The following SELENOF variants were observed in gnomAD, a reference collection of about 807,000 sequenced individuals.
The protein encoded by SELENOF is selenoprotein F.
Under a neutral mutation model 20.5 loss-of-function variants are expected in SELENOF, and 16 were observed. The ratio of observed to expected loss-of-function variants is 0.78; its 90% CI spans 0.53 to 1.19. The LOEUF (loss-of-function observed/expected upper bound fraction) is 1.19, where lower values mean the gene tolerates loss of function less well. Among genes scored for constraint, SELENOF ranks in the 50% most tolerant of loss-of-function variants. The pLI is 0.00. For missense variants in SELENOF, 215 were observed against 194.2 expected, an observed-to-expected ratio of 1.11 and a Z score of -0.64; for synonymous variants, 78 against 74.5, an observed-to-expected ratio of 1.05 and a Z score of -0.24.
intron 2 of SELENOF, among the ~76,000 whole-genome samples, chr1:86,883,247 A>G (rs1002737399): frequency 2.0e-5 from 3 of 152,302 alleles, no homozygotes; most frequent in Admixed American, 2.0e-4. Flanking sequence ...AAATGAGGTA[A>G]CTAGAGTAGC....
Position 86,914,019 on chromosome 1 carries a change from T to G in SELENOF, c.84+9A>C, listed in dbSNP as rs1465653778. ...CCCTGTGGCAGCTGCGAAGGTGATC[T>G]ACACTCACCGCTTGAAGCACAGTCG... On this transcript the variant is annotated intron_variant, in intron 1 of 4. Transcript: ENST00000331835. 2 of 1,609,440 alleles carry G rather than the reference T, an allele frequency of 1.2e-6. No homozygotes were observed. Among genetic ancestry groups the G allele is most frequent in the Non-Finnish European group, 1.7e-6 (2 of 1,175,840 alleles).
chr1:86,886,040 G>T (rs1659206739), intron 2 of SELENOF, among the ~76,000 whole-genome samples: 1 of 152,088 alleles, frequency 6.6e-6, no homozygotes, highest in Non-Finnish European at 1.5e-5. Flanking sequence ...ACTATTCAGG[G>T]ATATTACTCA....
At position 86,914,089 on chromosome 1, in the gene SELENOF, G is replaced by T. The variant is rs375315291; in HGVS notation, c.23C>A (p.Pro8Gln). The change falls in exon 1 of 5, where the codon CCG becomes CAG. Residue 8 changes from proline to glutamine, a missense_variant. Physicochemically the swap from Pro to Gln is moderately conservative, Grantham distance 76. Coordinates refer to ENST00000331835, the MANE Select transcript of SELENOF (RefSeq NM_004261.5). ...AAACGCCGGCACCAGACACCCACTC[G>T]GCCCAGCCGCCATCGCTACCATTTT... Reference protein sequence around the residue: MVAMAAGPSGCLVPAFGL... With the variant: MVAMAAGQSGCLVPAFGL... The T allele has an allele frequency of 4.3e-6, 7 of 1,613,884 alleles. No individual in the cohort carries two copies. Among genetic ancestry groups the T allele is most frequent in the South Asian group, 1.1e-5 (1 of 91,074 alleles).
intron 3 of SELENOF, 85 bp from the exon 4 acceptor site, chr1:86,868,187 A>T: frequency 1.6e-6 from 1 of 626,236 alleles, no homozygotes; most frequent in Non-Finnish European, 2.7e-6. Flanking sequence ...GGAAATAAAC[A>T]ACAAATCAAA....
At chr1:86,885,706 T>A (rs1659195177) in intron 2 of SELENOF, among the ~76,000 whole-genome samples, 1 of 152,206 alleles carries the variant, frequency 6.6e-6, no homozygotes, top group South Asian at 2.1e-4. Context: ...TATCAAATTT[T>A]CATACGGCAT....
Position 86,863,625 on chromosome 1 carries a change from C to T in SELENOF, c.367-20G>A. 6.2e-7 allele frequency: 1 copy of T among 1,608,682 alleles called. No individual in the cohort carries two copies. The highest frequency in any genetic ancestry group is 8.5e-7 in the Non-Finnish European group (1 of 1,176,784). The stretch of plus-strand genomic sequence containing the variant: ...GACATACTACAAAAAAGAGGGACGT[C>T]ATCATTACTTTCTGTTCAGAAACAA... On this transcript the variant is annotated intron_variant, in intron 4 of 4. Coordinates refer to ENST00000331835, the MANE Select transcript of SELENOF (RefSeq NM_004261.5).
chr1:86,863,329 C>T lies in SELENOF; in HGVS notation c.*145G>A. On this transcript the variant is annotated 3_prime_UTR_variant, in exon 5 of 5. Transcript: ENST00000331835. ...AACTCCTTAGATATCATGGACTATACTGCCATTTCACGATTTAATTAGATA... is the reference window on the plus strand; with the variant it reads ...AACTCCTTAGATATCATGGACTATATTGCCATTTCACGATTTAATTAGATA... 3.0e-6 allele frequency: 2 copies of T among 671,694 alleles called. No homozygotes were observed. The highest frequency in any genetic ancestry group is 4.8e-6 in the Non-Finnish European group (2 of 418,156). 41.6% of individuals were successfully genotyped at this position (671,694 alleles called of 1,614,324 possible).
In SELENOF at chr1:86,880,682, C is replaced by A; in HGVS notation, c.296G>T (p.Gly99Val). Residue 99 changes from glycine (G) to valine (V), a missense_variant, in exon 3 of 5, where the codon GGA (glycine) becomes GTA (valine). Gly to Val is a moderately radical substitution (Grantham distance 109, BLOSUM62 -3). Transcript: ENST00000331835. Reference protein sequence around the residue: ...AILEVCGUKLGRFPQVQAFVR... With the variant: ...AILEVCGUKLVRFPQVQAFVR... ...TATACCTTGGACTTGAGGGAACCTT[C>A]CCAATTTTCATCCACAAACTTCAAG... 1 of 1,594,376 alleles carries A rather than the reference C, an allele frequency of 6.3e-7. No individual in the cohort carries two copies. The highest frequency in any genetic ancestry group is 8.6e-7 in the Non-Finnish European group (1 of 1,169,442).
At chr1:86,871,130 A>G (rs969713813) in intron 3 of SELENOF, among the ~76,000 whole-genome samples, 1 of 152,202 alleles carries the variant, frequency 6.6e-6, no homozygotes, top group Non-Finnish European at 1.5e-5. Flanking sequence ...CTTTTAACAA[A>G]TATTTGAGTA....
chr1:86,868,725 C>A (rs539021726), intron 3 of SELENOF, among the ~76,000 whole-genome samples: 8 of 151,906 alleles, frequency 5.3e-5, no homozygotes, highest in Admixed American at 4.6e-4. Flanking sequence ...AAAAATACTA[C>A]CAAAGCCTAC....
intron 4 of SELENOF, among the ~76,000 whole-genome samples, 181 bp downstream of exon 4, chr1:86,867,872 C>G (rs1430758135): frequency 6.6e-6 from 1 of 151,596 alleles, no homozygotes; most frequent in African/African-American, 2.4e-5. Flanking sequence ...CCTAAAAGTG[C>G]TCTAAAAAAA....
intron 3 of SELENOF, among the ~76,000 whole-genome samples, chr1:86,876,473 T>C (rs1240640608): frequency 6.6e-6 from 1 of 152,222 alleles, no homozygotes; most frequent in Non-Finnish European, 1.5e-5. Context: ...TTTATAGAAT[T>C]GTACTCTGTA....
chr1:86,903,326 A>T lies in SELENOF; in HGVS notation c.207T>A (p.Asp69Glu). ...CTTCCTCCTGACAGCATCCTCTGCA[A>T]TCAGGATCCAGCTGAAGCAGGTTGA... ...GQFNLLQLDP[D>E]CRGCCQEEAQ... Residue 69 changes from aspartate (D) to glutamate (E), a missense_variant, in exon 2 of 5, where the codon GAT (aspartate) becomes GAA (glutamate). Coordinates refer to ENST00000331835, the MANE Select transcript of SELENOF (RefSeq NM_004261.5). 3.7e-6 allele frequency: 6 copies of T among 1,612,270 alleles called. No homozygotes were observed. Among genetic ancestry groups the T allele is most frequent in the Non-Finnish European group, 4.2e-6 (5 of 1,179,178 alleles).
chr1:86,877,392 A>G (rs1658950191), intron 3 of SELENOF, among the ~76,000 whole-genome samples: 1 of 152,204 alleles, frequency 6.6e-6, no homozygotes, highest in Non-Finnish European at 1.5e-5. Flanking sequence ...CTACCAATCA[A>G]TCATAGTTGG....
chr1:86,907,784 G>A (rs1312964474), intron 1 of SELENOF, among the ~76,000 whole-genome samples: 2 of 152,066 alleles, frequency 1.3e-5, no homozygotes, highest in African/African-American at 4.8e-5. Context: ...AGGAGTTTGA[G>A]ACCAGCCTGG....
chr1:86,899,460 G>A (rs1205361602), intron 2 of SELENOF, among the ~76,000 whole-genome samples: 1 of 130,650 alleles, frequency 7.7e-6, no homozygotes, highest in East Asian at 2.0e-4. Flanking sequence ...TGGCCGGGCA[G>A]AGGGGCTCCT....
chr1:86,882,511 G>C (rs899180704), intron 2 of SELENOF, among the ~76,000 whole-genome samples: 25 of 144,856 alleles, frequency 1.7e-4, no homozygotes, highest in Non-Finnish European at 3.5e-4. Context: ...AAAAAAAAAA[G>C]AGATGAGGAT....
chr1:86,880,686 A>G lies in SELENOF; in HGVS notation c.292T>C (p.Leu98=), dbSNP rs772175870. ...CCTTGGACTTGAGGGAACCTTCCCA[A>G]TTTTCATCCACAAACTTCAAGAATA... ...GAILEVCGUK[L]GRFPQVQAFV... is the part of the protein sequence containing the mutation. Residue 98 remains leucine (L), a synonymous_variant, in exon 3 of 5, where the codon TTG becomes CTG. Coordinates refer to ENST00000331835, the MANE Select transcript of SELENOF (RefSeq NM_004261.5). The G allele has an allele frequency of 1.9e-6, 3 of 1,596,152 alleles. No individual in the cohort carries two copies. Among genetic ancestry groups the G allele is most frequent in the South Asian group, 1.1e-5 (1 of 87,428 alleles).
At chr1:86,868,188 AC>A in intron 3 of SELENOF, 86 bp from the exon 4 acceptor site, 2 of 625,972 alleles carry the variant, frequency 3.2e-6, no homozygotes, top group Non-Finnish European at 5.5e-6. Flanking sequence ...GAAATAAACA[AC>A]AAATCAAACA....
Sources: allele counts gnomAD v4.1 joint callset (sites outside exome capture counted in the v4.1 genomes callset), GRCh38; gene constraint gnomAD v4.1.1; transcripts MANE v1.5; gene names NCBI Gene and HGNC (gene_info 2026-07-23, HGNC 2026-07-21).